EML6: variants seen among roughly 807,000 people sequenced by gnomAD.
The protein encoded by EML6 is echinoderm microtubule-associated protein-like 6.
EML6 carries 154 observed loss-of-function variants against 240.1 expected under a neutral mutation model. That is an observed-to-expected ratio of 0.64 (90% CI 0.56 to 0.73). The LOEUF is 0.73. EML6 is among the 30% of genes least tolerant of loss of function. The probability of loss-of-function intolerance (pLI) is 0.00; values close to 1 mark genes in which losing one functional copy is unlikely to be tolerated. For missense variants in EML6, 2,964 were observed against 2,474.6 expected (o/e 1.20, Z -4.20); for synonymous variants, 1,148 against 899.0 (o/e 1.28, Z -4.95).
At chr2:54,921,765 A>C (rs1459652758) in intron 26 of EML6, among the ~76,000 whole-genome samples, 1 of 152,148 alleles carries the variant, frequency 6.6e-6, no homozygotes. Context: ...GATGCCAGAA[A>C]TATATCCATA....
In EML6 at chr2:54,971,084, C is replaced by T. The variant is rs138955082; in HGVS notation, c.*989C>T. On this transcript the variant is annotated 3_prime_UTR_variant, in exon 42 of 42. Coordinates refer to ENST00000356458, the MANE Select transcript of EML6 (RefSeq NM_001039753.4). The stretch of plus-strand genomic sequence containing the variant: ...TAAATGAGGGTAACCCAAGGCTGCA[C>T]CTTGGTGTACCACCCTGAGTGGAGT... 3.3e-5 allele frequency: 5 copies of T among 152,306 alleles called. No homozygotes were observed. The East Asian group carries it at 9.6e-4, about 29-fold the overall frequency. The allele number at this position is 152,306 out of a possible 1,614,324, so 9.4% of individuals were successfully genotyped here.
chr2:54,918,316 A>T (rs906912413), intron 26 of EML6, among the ~76,000 whole-genome samples: 1 of 152,124 alleles, frequency 6.6e-6, no homozygotes, highest in Admixed American at 6.5e-5. Flanking sequence ...CTCCCCCTCA[A>T]TTCAGTTTTA....
At chr2:54,754,956 A>G (rs910591096) in intron 2 of EML6, among the ~76,000 whole-genome samples, 1 of 152,220 alleles carries the variant, frequency 6.6e-6, no homozygotes, top group African/African-American at 2.4e-5. Context: ...TCAAAATTAA[A>G]TGTAGTTAGT....
At position 54,894,992 on chromosome 2, in the gene EML6, C is replaced by A. The variant is rs1379340352; in HGVS notation, c.2820C>A (p.Ala940=). The change falls in exon 20 of 42, where the codon GCC becomes GCA. Residue 940 remains alanine (A), a synonymous_variant. Coordinates refer to ENST00000356458, the MANE Select transcript of EML6 (RefSeq NM_001039753.4). ...DMFERCLKTY[A]IKRSALSTSS... is the part of the protein sequence containing the mutation. ...TTGAAAGATGTTTGAAGACTTATGC[C>A]ATTAAAAGATCAGCATTGTCGACTA... 1.3e-6 allele frequency: 2 copies of A among 1,551,386 alleles called. No homozygotes were observed. The highest frequency in any genetic ancestry group is 1.7e-6 in the Non-Finnish European group (2 of 1,146,670).
At chr2:54,773,747 C>T (rs72915588) in intron 2 of EML6, among the ~76,000 whole-genome samples, 16,893 of 152,218 alleles carry the variant, frequency 0.11, 1,837 homozygotes, top group East Asian at 0.3. Flanking sequence ...TAAGTTTGCA[C>T]ACTTTATTTG....
intron 25 of EML6, among the ~76,000 whole-genome samples, chr2:54,912,565 C>G (rs1158438190): frequency 1.3e-5 from 2 of 152,150 alleles, no homozygotes; most frequent in Admixed American, 6.5e-5. Context: ...GCCACCTCCT[C>G]TCTCTGCCCC....
At chr2:54,938,570 T>C (rs191218144) in intron 28 of EML6, among the ~76,000 whole-genome samples, 45 of 152,304 alleles carry the variant, frequency 3.0e-4, no homozygotes, top group Non-Finnish European at 5.7e-4. Context: ...AGAATCTGAG[T>C]ACATGCCTAC....
Position 54,967,114 on chromosome 2 carries a change from G to A in EML6, c.5597+11G>A, listed in dbSNP as rs1409745868. ...GGCCTCCTGGACAAGGTGACTGACT[G>A]GAAGAAAAAACTTGAGGAAAAGGTC... On this transcript the variant is annotated intron_variant, in intron 39 of 41. Transcript: ENST00000356458. 1.9e-6 allele frequency: 3 copies of A among 1,539,034 alleles called. No homozygotes were observed. The highest frequency in any genetic ancestry group is 1.4e-5 in the African/African-American group (1 of 72,736).
intron 15 of EML6, among the ~76,000 whole-genome samples, chr2:54,870,565 G>A (rs1671203092): frequency 6.6e-6 from 1 of 152,164 alleles, no homozygotes; most frequent in Non-Finnish European, 1.5e-5. Flanking sequence ...ATGTTATAAG[G>A]TTTTACAAGT....
chr2:54,797,597 TAAC>T (rs1224508575), intron 2 of EML6, among the ~76,000 whole-genome samples: 2 of 148,524 alleles, frequency 1.3e-5, no homozygotes, highest in Non-Finnish European at 3.0e-5. Context: ...GCATTATGCC[TAAC>T]AACATGTAGA....
At chr2:54,959,718 T>G (rs1040327014) in intron 34 of EML6, among the ~76,000 whole-genome samples, 1 of 152,134 alleles carries the variant, frequency 6.6e-6, no homozygotes, top group Admixed American at 6.5e-5. Context: ...GCCGAGATCA[T>G]GTCATTGCAC....
Position 54,847,756 on chromosome 2 carries a change from CGA to C in EML6, c.1187+134_1187+135del, listed in dbSNP as rs1669847989. On this transcript the variant is annotated intron_variant, in intron 9 of 41. Coordinates refer to ENST00000356458, the MANE Select transcript of EML6 (RefSeq NM_001039753.4). ...TTCAAATAGGAATACTATAGATCTA[CGA>C]TCCCCTATCTGTAATTCTGAAGTCC... 8.3e-5 allele frequency: 65 copies of C among 786,506 alleles called. No individual in the cohort carries two copies. The East Asian group carries it at 3.3e-3, about 39-fold the overall frequency. 48.7% of individuals were successfully genotyped at this position (786,506 alleles called of 1,614,324 possible). A position where few individuals can be genotyped will look rare whatever the true frequency, so the allele number is the denominator to read the frequency against.
chr2:54,825,519 T>TC (rs1333676618), intron 5 of EML6, among the ~76,000 whole-genome samples: 1 of 152,182 alleles, frequency 6.6e-6, no homozygotes, highest in Non-Finnish European at 1.5e-5. Context: ...TGCCTTGGCT[T>TC]CCCAAAGTGC....
intron 2 of EML6, chr2:54,747,055 A>G (rs924542048): frequency 6.6e-6 from 1 of 152,244 alleles, no homozygotes; most frequent in Non-Finnish European, 1.5e-5. Flanking sequence ...TGCTCATTCA[A>G]ATCTTCATTT....
chr2:54,887,668 T>A (rs1672224693), intron 17 of EML6, among the ~76,000 whole-genome samples: 1 of 152,260 alleles, frequency 6.6e-6, no homozygotes, highest in Admixed American at 6.5e-5. Context: ...TAGTTTAGAA[T>A]CTATCCTAGT....
At chr2:54,902,892 A>C (rs1014941726) in intron 22 of EML6, among the ~76,000 whole-genome samples, 152 bp from the exon 23 acceptor site, 1 of 152,228 alleles carries the variant, frequency 6.6e-6, no homozygotes, top group Non-Finnish European at 1.5e-5. Flanking sequence ...GTCTTAAATT[A>C]GGAAGTTTTA....
chr2:54,953,902 A>G, intron 31 of EML6, 81 bp from the exon 32 acceptor site: 9 of 1,097,898 alleles, frequency 8.2e-6, no homozygotes, highest in Admixed American at 2.9e-5. Context: ...AAAAAAAAAA[A>G]GGCTTTTACA....
chr2:54,830,450 C>G (rs954844639), intron 7 of EML6, among the ~76,000 whole-genome samples: 4 of 152,122 alleles, frequency 2.6e-5, no homozygotes, highest in African/African-American at 9.7e-5. Flanking sequence ...GAGAAATTTC[C>G]TGAGCATCTT....
rs558665937 is a variant in EML6, at chr2:54,928,573, T to C, written c.3878-52T>C. 27 of 1,551,540 alleles carry C rather than the reference T, an allele frequency of 1.7e-5. No homozygotes were observed. The East Asian group carries it at 2.4e-4, about 14-fold the overall frequency. On this transcript the variant is annotated intron_variant, in intron 27 of 41. Coordinates refer to ENST00000356458, the MANE Select transcript of EML6 (RefSeq NM_001039753.4). ...CGAATGCACCTCCCAACACCTCCCT[T>C]CCTGGGCCACTGCAAACCAACTGGC...
Sources: gnomAD v4.1 joint callset for allele counts (sites outside exome capture counted in the v4.1 genomes callset) on GRCh38, gnomAD v4.1.1 for gene constraint, MANE v1.5 for transcripts, NCBI Gene and HGNC (gene_info 2026-07-23, HGNC 2026-07-21) for gene names.